Variants in VTI1A observed in about 807,000 individuals in gnomAD.
The protein encoded by VTI1A is vesicle transport through interaction with t-SNAREs 1A, also known as vesicle transport through interaction with t-SNAREs homolog 1A.
Under a neutral mutation model 34.9 loss-of-function variants are expected in VTI1A, and 22 were observed. The observed-to-expected ratio is 0.63, with a 90% CI of 0.45 to 0.90. The LOEUF (loss-of-function observed/expected upper bound fraction) is 0.90, where lower values mean the gene tolerates loss of function less well. Ranked by LOEUF, VTI1A falls within the 40% of genes least tolerant of loss-of-function variation. VTI1A has a pLI of 0.00. For synonymous variants in VTI1A, 87 were observed against 97.3 expected (o/e 0.89, Z 0.62); for missense variants, 268 against 275.6 (o/e 0.97, Z 0.20).
At chr10:112,498,458 G>A (rs951426770) in intron 3 of VTI1A, among the ~76,000 whole-genome samples, 7 of 151,562 alleles carry the variant, frequency 4.6e-5, no homozygotes, top group African/African-American at 1.5e-4. Flanking sequence ...CCTCATCGCC[G>A]CCACCACCAC....
In VTI1A at chr10:112,615,288, G is replaced by A. The variant is rs1845475061; in HGVS notation, c.428-52930G>A. On this transcript the variant is annotated intron_variant, in intron 5 of 7. Coordinates refer to ENST00000393077, the MANE Select transcript of VTI1A (RefSeq NM_145206.4). Reference sequence around the variant, plus strand: ...GTTTTTCTGAGATACTATAGATGGAGAGATTTCCATCTGGAAAACAGATGG... The same window carrying A: ...GTTTTTCTGAGATACTATAGATGGAAAGATTTCCATCTGGAAAACAGATGG... 2.0e-5 allele frequency among the ~76,000 whole-genome samples: 3 copies of A among 152,188 alleles called. No individual in the cohort carries two copies. In the South Asian group the frequency reaches 6.2e-4, roughly 32 times the overall value.
At chr10:112,450,277 A>G (rs974607149) in intron 1 of VTI1A, 2 of 152,238 alleles carry the variant, frequency 1.3e-5, no homozygotes, top group African/African-American at 4.8e-5. Context: ...CAATTGATGT[A>G]TAGAAAAAGA....
chr10:112,447,053 A>G, upstream of VTI1A: 1 of 316,932 alleles, frequency 3.2e-6, no homozygotes, highest in Non-Finnish European at 6.1e-6. Flanking sequence ...AGGGGGGAAA[A>G]AACGCTTCTA....
Position 112,447,427 on chromosome 10 carries a change from G to T in VTI1A, c.54G>T (p.Glu18Asp). 1 of 1,613,740 alleles carries T rather than the reference G, an allele frequency of 6.2e-7. No individual in the cohort carries two copies. Among genetic ancestry groups the T allele is most frequent in the Non-Finnish European group, 8.5e-7 (1 of 1,180,014 alleles). Residue 18 changes from glutamate to aspartate, a missense_variant, in exon 1 of 8, where the codon GAG becomes GAT. By Grantham distance (45) the Glu-to-Asp change is conservative. Coordinates refer to ENST00000393077, the MANE Select transcript of VTI1A (RefSeq NM_145206.4). ...AGGACTTCGCGGTGCTCACTGCAGAGATCACCAGCAAGATTGCGAGGGTCC... is the reference window on the plus strand; with the variant it reads ...AGGACTTCGCGGTGCTCACTGCAGATATCACCAGCAAGATTGCGAGGGTCC... ...YEQDFAVLTA[E>D]ITSKIARVPR... is the part of the protein sequence containing the mutation.
Position 112,700,129 on chromosome 10 carries a change from A to C in VTI1A, c.560+31131A>C, listed in dbSNP as rs1204899174. On this transcript the variant is annotated intron_variant, in intron 7 of 7. Transcript: ENST00000393077. ...CGAGACTCCATCTCAAAAAAAAAAAAAAAAAACAAAACAAAAAAAAAAAAA... is the reference window on the plus strand; with the variant it reads ...CGAGACTCCATCTCAAAAAAAAAAACAAAAAACAAAACAAAAAAAAAAAAA... Among the ~76,000 whole-genome samples the C allele has an allele frequency of 4.9e-4, 68 of 140,128 alleles. 2 individuals carry two copies. The highest frequency in any genetic ancestry group is 9.2e-4 in the Non-Finnish European group (62 of 67,692). 91.9% of individuals were successfully genotyped at this position (140,128 alleles called of 152,430 possible).
At chr10:112,691,380 C>A (rs1848611157) in intron 7 of VTI1A, among the ~76,000 whole-genome samples, 1 of 152,132 alleles carries the variant, frequency 6.6e-6, no homozygotes, top group East Asian at 1.9e-4. Flanking sequence ...GCAAGGAACC[C>A]TACATTCTAA....
intron 5 of VTI1A, among the ~76,000 whole-genome samples, chr10:112,659,144 C>T (rs1295498594): frequency 1.3e-5 from 2 of 152,140 alleles, no homozygotes; most frequent in Non-Finnish European, 2.9e-5. Flanking sequence ...ATGAGTAATT[C>T]ATTCACCCTG....
chr10:112,672,767 A>G (rs997656647), intron 7 of VTI1A: 2 of 152,206 alleles, frequency 1.3e-5, no homozygotes, highest in East Asian at 1.9e-4. Flanking sequence ...ACTGTCGGCA[A>G]TCTGTAAAAA....
At chr10:112,768,292 G>A (rs2134017840) in intron 7 of VTI1A, among the ~76,000 whole-genome samples, 1 of 152,320 alleles carries the variant, frequency 6.6e-6, no homozygotes, top group South Asian at 2.1e-4. Context: ...TGTAATTACT[G>A]CTCCACAAGG....
At chr10:112,603,914 C>T (rs1294000328) in intron 5 of VTI1A, among the ~76,000 whole-genome samples, 1 of 152,138 alleles carries the variant, frequency 6.6e-6, no homozygotes, top group Admixed American at 6.5e-5. Context: ...GAGCTCATCC[C>T]CCTTAGAAAG....
Position 112,474,059 on chromosome 10 carries a change from G to A in VTI1A, c.264+9402G>A, listed in dbSNP as rs1263128149. Among the ~76,000 whole-genome samples the A allele has an allele frequency of 3.3e-5, 5 of 152,068 alleles. No individual in the cohort carries two copies. In the East Asian group the frequency reaches 9.7e-4, roughly 29 times the overall value. ...ATATTTCTTTTAGTTATTTGGATATGACTATGACTTTTTTTTTTTTGAGAT... is the reference window on the plus strand; with the variant it reads ...ATATTTCTTTTAGTTATTTGGATATAACTATGACTTTTTTTTTTTTGAGAT... On this transcript the variant is annotated intron_variant, in intron 3 of 7. Coordinates refer to ENST00000393077, the MANE Select transcript of VTI1A (RefSeq NM_145206.4).
chr10:112,584,287 G>A (rs1467484966), intron 5 of VTI1A, among the ~76,000 whole-genome samples: 1 of 152,154 alleles, frequency 6.6e-6, no homozygotes, highest in Non-Finnish European at 1.5e-5. Context: ...CATCAGAATA[G>A]ATAACAGAAA....
chr10:112,777,798 A>G (rs943607675), intron 7 of VTI1A, among the ~76,000 whole-genome samples: 1 of 152,116 alleles, frequency 6.6e-6, no homozygotes, highest in African/African-American at 2.4e-5. Context: ...TCACAGAAGC[A>G]AATACAAAGT....
At chr10:112,544,959 G>A (rs1851022530) in intron 5 of VTI1A, among the ~76,000 whole-genome samples, 1 of 152,224 alleles carries the variant, frequency 6.6e-6, no homozygotes, top group East Asian at 1.9e-4. Flanking sequence ...GGGTGTGACA[G>A]TCATGGAGGA....
At chr10:112,653,502 A>G (rs558122578) in intron 5 of VTI1A, among the ~76,000 whole-genome samples, 33 of 152,316 alleles carry the variant, frequency 2.2e-4, no homozygotes, top group African/African-American at 5.3e-4. Flanking sequence ...TTAGGGATCA[A>G]TCTGGCCTGG....
intron 7 of VTI1A, among the ~76,000 whole-genome samples, chr10:112,688,114 C>T (rs576880315): frequency 7.3e-5 from 11 of 151,608 alleles, no homozygotes; most frequent in South Asian, 4.2e-4. Flanking sequence ...CCACCATGCC[C>T]GGCTAATTTT....
intron 3 of VTI1A, among the ~76,000 whole-genome samples, chr10:112,510,009 C>T (rs1008073319): frequency 6.6e-6 from 1 of 152,152 alleles, no homozygotes; most frequent in Admixed American, 6.5e-5. Context: ...TTATAGAACG[C>T]CAAAATCTTC....
intron 7 of VTI1A, among the ~76,000 whole-genome samples, chr10:112,708,972 G>A (rs1443088208): frequency 1.3e-5 from 2 of 152,208 alleles, no homozygotes; most frequent in African/African-American, 2.4e-5. Flanking sequence ...ATGCCACCCC[G>A]CGGTTGCTGG....
At chr10:112,631,381 C>A (rs1458204380) in intron 5 of VTI1A, among the ~76,000 whole-genome samples, 1 of 152,042 alleles carries the variant, frequency 6.6e-6, no homozygotes, top group African/African-American at 2.4e-5. Context: ...TTTTGTCACC[C>A]CAGAAAGAAA....
Sources: allele counts gnomAD v4.1 joint callset (sites outside exome capture counted in the v4.1 genomes callset), GRCh38; gene constraint gnomAD v4.1.1; transcripts MANE v1.5; gene names NCBI Gene and HGNC (gene_info 2026-07-23, HGNC 2026-07-21).